Variants in CDKAL1 observed in about 807,000 individuals in gnomAD.
The protein encoded by CDKAL1 is threonylcarbamoyladenosine tRNA methylthiotransferase.
Under a neutral mutation model 68.2 loss-of-function variants are expected in CDKAL1, and 32 were observed. That is an observed-to-expected ratio of 0.47 (90% CI 0.35 to 0.63). The LOEUF (loss-of-function observed/expected upper bound fraction) is 0.63. Ranked by LOEUF, CDKAL1 falls within the 30% of genes least tolerant of loss-of-function variation. The probability of loss-of-function intolerance (pLI) is 0.00; values close to 1 mark genes in which losing one functional copy is unlikely to be tolerated. For missense variants in CDKAL1, 606 were observed against 696.7 expected, an observed-to-expected ratio of 0.87 and a Z score of 1.47; for synonymous variants, 234 against 244.3, an observed-to-expected ratio of 0.96 and a Z score of 0.39.
At chr6:20,608,961 T>C (rs983825823) in intron 4 of CDKAL1, among the ~76,000 whole-genome samples, 4 of 152,222 alleles carry the variant, frequency 2.6e-5, no homozygotes, top group Admixed American at 2.0e-4. Context: ...ATTTTCTTCA[T>C]AGGCTTTTTA....
At chr6:20,584,691 C>T (rs1765273650) in intron 4 of CDKAL1, among the ~76,000 whole-genome samples, 1 of 152,200 alleles carries the variant, frequency 6.6e-6, no homozygotes. Context: ...AATAACTTCA[C>T]TTAGCTAGCT....
chr6:21,023,550 G>C (rs921441337), intron 11 of CDKAL1, among the ~76,000 whole-genome samples: 1 of 152,002 alleles, frequency 6.6e-6, no homozygotes, highest in African/African-American at 2.4e-5. Flanking sequence ...CCATACCCCT[G>C]TCAAACATTG....
chr6:21,102,438 A>G (rs1011159258), intron 12 of CDKAL1, among the ~76,000 whole-genome samples: 1 of 152,088 alleles, frequency 6.6e-6, no homozygotes, highest in African/African-American at 2.4e-5. Context: ...TCACTTACTC[A>G]GTGTTTACTG....
In CDKAL1 at chr6:20,706,094, G is replaced by A. The variant is rs114086287; in HGVS notation, c.372-33425G>A. Among the ~76,000 whole-genome samples, 869 of 152,286 alleles carry A rather than the reference G, an allele frequency of 5.7e-3. 13 individuals carry two copies. Among genetic ancestry groups the A allele is most frequent in the African/African-American group, 0.02 (817 of 41,550 alleles). On this transcript the variant is annotated intron_variant, in intron 5 of 15. Coordinates refer to ENST00000274695, the MANE Select transcript of CDKAL1 (RefSeq NM_017774.3). The stretch of plus-strand genomic sequence containing the variant: ...CCACGCATTTGGTCCACACTTCACA[G>A]GACAATAGGAGAGGTGGGGAAGGCC...
intron 6 of CDKAL1, among the ~76,000 whole-genome samples, chr6:20,747,696 A>G (rs939156784): frequency 1.1e-4 from 17 of 152,298 alleles, no homozygotes; most frequent in African/African-American, 3.8e-4. Context: ...TTTTGCCATT[A>G]AGTTATATGA....
chr6:20,948,972 T>C (rs1412765631), intron 9 of CDKAL1, among the ~76,000 whole-genome samples: 1 of 152,222 alleles, frequency 6.6e-6, no homozygotes, highest in African/African-American at 2.4e-5. Flanking sequence ...GATTATGACC[T>C]TTTGAAAGAA....
chr6:20,750,429 T>G (rs946514703), intron 6 of CDKAL1, among the ~76,000 whole-genome samples: 1 of 152,210 alleles, frequency 6.6e-6, no homozygotes, highest in Non-Finnish European at 1.5e-5. Context: ...ATGAATGTAT[T>G]TATGCCAATG....
At position 21,195,491 on chromosome 6, in the gene CDKAL1, T is replaced by TTATA. The variant is rs1448265388; in HGVS notation, c.1300-2527_1300-2526insATAT. ...GGAGATGTTTTTTTTATTTATTTAT[T>TTATA]TATTTATTTATTTATTTATTTATTT... On this transcript the variant is annotated intron_variant, in intron 13 of 15. Coordinates refer to ENST00000274695, the MANE Select transcript of CDKAL1 (RefSeq NM_017774.3). Among the ~76,000 whole-genome samples, 32 of 112,434 alleles carry TTATA rather than the reference T, an allele frequency of 2.8e-4. No homozygotes were observed. The East Asian group carries it at 5.7e-3, about 20-fold the overall frequency. The allele number at this position is 112,434 out of a possible 152,430, so 73.8% of individuals were successfully genotyped here. A position where few individuals can be genotyped will look rare whatever the true frequency, so the allele number is the denominator to read the frequency against.
intron 13 of CDKAL1, among the ~76,000 whole-genome samples, chr6:21,167,474 A>G (rs1022208056): frequency 2.0e-5 from 3 of 152,214 alleles, no homozygotes; most frequent in Admixed American, 2.0e-4. Flanking sequence ...ACCCTATCCA[A>G]CAATAGCCAC....
chr6:20,573,130 C>G (rs1764770362), intron 4 of CDKAL1, among the ~76,000 whole-genome samples: 1 of 152,148 alleles, frequency 6.6e-6, no homozygotes, highest in Non-Finnish European at 1.5e-5. Flanking sequence ...TTGCGCAACT[C>G]ATTGTTACAC....
At chr6:20,576,809 C>T (rs988453338) in intron 4 of CDKAL1, among the ~76,000 whole-genome samples, 5 of 152,108 alleles carry the variant, frequency 3.3e-5, no homozygotes, top group Admixed American at 2.0e-4. Context: ...CTGTGTGTGG[C>T]GTGGAGCAGG....
At chr6:20,624,984 C>G (rs1767363417) in intron 4 of CDKAL1, among the ~76,000 whole-genome samples, 1 of 152,088 alleles carries the variant, frequency 6.6e-6, no homozygotes. Flanking sequence ...CACCTCCTCT[C>G]TTCATCTGTT....
At chr6:21,169,284 GCATAA>G (rs1382422527) in intron 13 of CDKAL1, among the ~76,000 whole-genome samples, 1 of 152,216 alleles carries the variant, frequency 6.6e-6, no homozygotes, top group Non-Finnish European at 1.5e-5. Context: ...AATCCGACTA[GCATAA>G]CCCTTGGTGG....
At chr6:21,032,789 C>A (rs1008756647) in intron 11 of CDKAL1, among the ~76,000 whole-genome samples, 4 of 152,196 alleles carry the variant, frequency 2.6e-5, no homozygotes, top group African/African-American at 7.2e-5. Context: ...TATGTATGTA[C>A]ACTCTGTGAT....
chr6:20,606,681 C>T (rs1766348934), intron 4 of CDKAL1, among the ~76,000 whole-genome samples: 1 of 152,174 alleles, frequency 6.6e-6, no homozygotes, highest in African/African-American at 2.4e-5. Context: ...GAAAATTTAT[C>T]AGGCTGAACG....
At chr6:20,636,419 T>C (rs1767907898) in intron 4 of CDKAL1, among the ~76,000 whole-genome samples, 1 of 151,856 alleles carries the variant, frequency 6.6e-6, no homozygotes, top group African/African-American at 2.4e-5. Flanking sequence ...ACCTGATGAA[T>C]ACAGGGTGAA....
At position 21,112,513 on chromosome 6, in the gene CDKAL1, A is replaced by T. The variant is rs553974924; in HGVS notation, c.1299+4050A>T. Among the ~76,000 whole-genome samples the T allele has an allele frequency of 2.8e-3, 432 of 152,236 alleles. 1 individual carries two copies. The highest frequency in any genetic ancestry group is 0.01 in the Middle Eastern group (3 of 294). ...TTGCTTTCTTTTAGTGGCTTGTTAT[A>T]TTAGTAATTTTTCTGCATATACATG... On this transcript the variant is annotated intron_variant, in intron 13 of 15. Transcript: ENST00000274695.
At chr6:20,696,196 G>A (rs927595271) in intron 5 of CDKAL1, among the ~76,000 whole-genome samples, 2 of 152,212 alleles carry the variant, frequency 1.3e-5, no homozygotes, top group African/African-American at 4.8e-5. Context: ...GGAGACCCCA[G>A]AAATATGAGC....
Position 20,853,905 on chromosome 6 carries a change from C to T in CDKAL1, c.742+7727C>T, listed in dbSNP as rs1036937388. Among the ~76,000 whole-genome samples the T allele has an allele frequency of 2.4e-4, 37 of 152,078 alleles. 1 individual carries two copies. The highest frequency in any genetic ancestry group is 3.4e-4 in the African/African-American group (14 of 41,400). ...TGGCCATATGGGGAAGGTGGAGGGG[C>T]AACACAATCGTTGTTAATTTGCTAT... On this transcript the variant is annotated intron_variant, in intron 9 of 15. Transcript: ENST00000274695.
Sources: allele counts gnomAD v4.1 joint callset (sites outside exome capture counted in the v4.1 genomes callset), GRCh38; gene constraint gnomAD v4.1.1; transcripts MANE v1.5; gene names NCBI Gene and HGNC (gene_info 2026-07-23, HGNC 2026-07-21).